PCID2: variants seen among roughly 807,000 people sequenced by gnomAD.
PCID2 encodes PCI domain-containing protein 2.
PCID2 carries 41 observed loss-of-function variants against 61.3 expected under a neutral mutation model. That is an observed-to-expected ratio of 0.67 (90% CI 0.52 to 0.87). The LOEUF (loss-of-function observed/expected upper bound fraction) is 0.87. Among genes scored for constraint, PCID2 ranks in the 40% least tolerant of loss-of-function variants. The probability of loss-of-function intolerance (pLI) is 0.00; values close to 1 mark genes in which losing one functional copy is unlikely to be tolerated. For missense variants in PCID2, 392 were observed against 493.4 expected, an observed-to-expected ratio of 0.79 and a Z score of 1.95; for synonymous variants, 187 against 177.8, an observed-to-expected ratio of 1.05 and a Z score of -0.41.
At chr13:113,208,119 G>T in intron 1 of PCID2, 1 of 1,609,944 alleles carries the variant, frequency 6.2e-7, no homozygotes, top group Non-Finnish European at 8.5e-7. Context: ...CAGCGAGGAC[G>T]AGGGGCACGA....
chr13:113,181,414 C>A (rs186497555), intron 9 of PCID2, among the ~76,000 whole-genome samples, 184 bp from the exon 10 acceptor site: 1 of 152,150 alleles, frequency 6.6e-6, no homozygotes, highest in African/African-American at 2.4e-5. Context: ...AAATCCATAC[C>A]CCCAAATTCA....
chr13:113,181,287 T>G, intron 9 of PCID2, 57 bp from the exon 10 acceptor site: 1 of 1,043,066 alleles, frequency 9.6e-7, no homozygotes, highest in Non-Finnish European at 1.5e-6. Context: ...TCAGGCCCCT[T>G]CCTGCTCCAT....
At chr13:113,186,142 A>G (rs2038093272) in intron 7 of PCID2, 1 of 153,048 alleles carries the variant, frequency 6.5e-6, no homozygotes. Flanking sequence ...AAAAGTACAC[A>G]CTGTGGTGGT....
At chr13:113,175,958 C>A (rs552183465), downstream of PCID2, among the ~76,000 whole-genome samples, 1 of 152,266 alleles carries the variant, frequency 6.6e-6, no homozygotes, top group Non-Finnish European at 1.5e-5. Context: ...CGGGCCAATA[C>A]ACGGGAATGA....
the PCID2 span, among the ~76,000 whole-genome samples, chr13:113,166,808 CAG>C: frequency 6.6e-6 from 1 of 152,166 alleles, no homozygotes; most frequent in Non-Finnish European, 1.5e-5. Context: ...TAGGTAGTGA[CAG>C]GGTCTGGCTC....
At chr13:113,168,011 C>T in the PCID2 span, among the ~76,000 whole-genome samples, 19 of 152,256 alleles carry the variant, frequency 1.2e-4, no homozygotes, top group East Asian at 9.6e-4. Flanking sequence ...CTTTCGCCGA[C>T]GCCACATCCG....
chr13:113,166,849 C>A, the PCID2 span, among the ~76,000 whole-genome samples: 1 of 152,132 alleles, frequency 6.6e-6, no homozygotes, highest in Non-Finnish European at 1.5e-5. Context: ...TCCAGCTTCC[C>A]AGCTTACCCA....
chr13:113,186,939 A>C (rs1460069394), intron 7 of PCID2: 1 of 152,240 alleles, frequency 6.6e-6, no homozygotes, highest in African/African-American at 2.4e-5. Context: ...ACTCTTAAAG[A>C]CCAAAATGTG....
intron 5 of PCID2, among the ~76,000 whole-genome samples, chr13:113,195,370 C>T (rs1431066364): frequency 6.6e-6 from 1 of 152,362 alleles, no homozygotes; most frequent in Admixed American, 6.5e-5. Context: ...TGTCAGAGAC[C>T]TCAGCCCTGC....
the PCID2 span, among the ~76,000 whole-genome samples, chr13:113,166,760 G>A: frequency 2.0e-5 from 3 of 152,186 alleles, no homozygotes; most frequent in Non-Finnish European, 4.4e-5. Flanking sequence ...TGCGCTGAGG[G>A]TCGGTACTTG....
chr13:113,204,310 G>C (rs1426052598), intron 1 of PCID2, among the ~76,000 whole-genome samples: 1 of 152,240 alleles, frequency 6.6e-6, no homozygotes, highest in Non-Finnish European at 1.5e-5. Flanking sequence ...GAACCTATGA[G>C]TGACTGAAAG....
chr13:113,172,531 G>T, the PCID2 span: 3 of 305,720 alleles, frequency 9.8e-6, no homozygotes, highest in East Asian at 2.6e-4. Context: ...GACCTCCTCT[G>T]TTGGTTTACC....
chr13:113,208,293 C>G lies in PCID2; in HGVS notation c.36+306G>C, dbSNP rs957560985. ...GCAGGCCCTTCGGACCGCCTGGGAG[C>G]GCGGCCACACGTGCCAGCAAGTGAG... On this transcript the variant is annotated intron_variant, in intron 1 of 13. Coordinates refer to ENST00000337344, the MANE Select transcript of PCID2 (RefSeq NM_001127202.4). The G allele has an allele frequency of 2.8e-6, 4 of 1,431,818 alleles. No homozygotes were observed. The African/African-American group carries it at 4.3e-5, about 15-fold the overall frequency. 88.7% of individuals were successfully genotyped at this position (1,431,818 alleles called of 1,614,324 possible).
chr13:113,199,093 C>T (rs555203070), intron 2 of PCID2, among the ~76,000 whole-genome samples: 2 of 152,274 alleles, frequency 1.3e-5, no homozygotes, highest in Admixed American at 6.5e-5. Context: ...GTTAATTTTG[C>T]CAACTTGACT....
chr13:113,188,415 G>A (rs1782665995), intron 7 of PCID2: 1 of 152,266 alleles, frequency 6.6e-6, no homozygotes, highest in Non-Finnish European at 1.5e-5. Flanking sequence ...GCAATAGGAT[G>A]CCTGAGGTCA....
chr13:113,169,337 T>G, the PCID2 span, among the ~76,000 whole-genome samples: 1 of 152,236 alleles, frequency 6.6e-6, no homozygotes, highest in Non-Finnish European at 1.5e-5. Flanking sequence ...TGTCTCTACT[T>G]AACTTTTTGA....
At chr13:113,184,990 G>C (rs995908970) in intron 8 of PCID2, among the ~76,000 whole-genome samples, 1 of 152,272 alleles carries the variant, frequency 6.6e-6, no homozygotes, top group Admixed American at 6.5e-5. Context: ...AGGAAGGTGG[G>C]GTGCTCTACA....
At chr13:113,191,060 A>T in intron 6 of PCID2, 85 bp from the exon 7 acceptor site, 6 of 844,830 alleles carry the variant, frequency 7.1e-6, no homozygotes, top group Non-Finnish European at 1.1e-5. Flanking sequence ...TGGCACAATC[A>T]CACCTCACTG....
chr13:113,206,887 A>G (rs1566992429), intron 1 of PCID2, among the ~76,000 whole-genome samples: 1 of 152,114 alleles, frequency 6.6e-6, no homozygotes, highest in Non-Finnish European at 1.5e-5. Flanking sequence ...TCCCTGGGTC[A>G]CCCCTTCCCT....
Sources: allele counts gnomAD v4.1 joint callset (sites outside exome capture counted in the v4.1 genomes callset), GRCh38; gene constraint gnomAD v4.1.1; transcripts MANE v1.5; gene names NCBI Gene and HGNC (gene_info 2026-07-23, HGNC 2026-07-21).